ABI3BP: variants seen among roughly 807,000 people sequenced by gnomAD.
ABI3BP encodes target of Nesh-SH3.
In ABI3BP, 216 loss-of-function variants were observed where a neutral mutation model predicts 268.6. The ratio of observed to expected loss-of-function variants is 0.80; its 90% CI spans 0.72 to 0.90. ABI3BP has a LOEUF of 0.90. Ranked by LOEUF, ABI3BP falls within the 40% of genes least tolerant of loss-of-function variation. The pLI is 0.00. For missense variants in ABI3BP, 2,090 were observed against 2,182.4 expected (o/e 0.96, Z 0.84); for synonymous variants, 730 against 730.0 (o/e 1.00, Z 0.00).
chr3:100,827,421 C>T (rs992380864), intron 34 of ABI3BP, among the ~76,000 whole-genome samples: 7 of 152,074 alleles, frequency 4.6e-5, no homozygotes, highest in African/African-American at 1.7e-4. Context: ...ACCAAAGACC[C>T]TACACTTATC....
intron 63 of ABI3BP, among the ~76,000 whole-genome samples, chr3:100,762,773 A>T (rs1208878121): frequency 1.3e-5 from 2 of 152,224 alleles, no homozygotes; most frequent in Non-Finnish European, 2.9e-5. Flanking sequence ...ATCGGAGGCT[A>T]GGATCTATTG....
chr3:100,858,883 C>T (rs2098966798), intron 14 of ABI3BP, among the ~76,000 whole-genome samples: 1 of 152,228 alleles, frequency 6.6e-6, no homozygotes, highest in African/African-American at 2.4e-5. Flanking sequence ...TCCCCACCTT[C>T]TGGCTGATAC....
chr3:100,783,378 AT>A (rs1336555450), intron 57 of ABI3BP, among the ~76,000 whole-genome samples: 2 of 152,198 alleles, frequency 1.3e-5, no homozygotes, highest in African/African-American at 4.8e-5. Context: ...GGGTTCAGGT[AT>A]TTAACAATAT....
intron 59 of ABI3BP, among the ~76,000 whole-genome samples, chr3:100,777,473 G>C (rs1435843394): frequency 6.6e-6 from 1 of 151,976 alleles, no homozygotes; most frequent in Non-Finnish European, 1.5e-5. Context: ...TTGGTTCTGG[G>C]AATTCAGAGA....
chr3:100,940,958 T>A (rs2068896309), intron 1 of ABI3BP, among the ~76,000 whole-genome samples: 1 of 147,388 alleles, frequency 6.8e-6, no homozygotes, highest in Admixed American at 6.8e-5. Flanking sequence ...TAAACACAAA[T>A]CAGAAAATAC....
Position 100,824,848 on chromosome 3 carries a change from A to G in ABI3BP, c.2746+10T>C. 2.0e-6 allele frequency: 3 copies of G among 1,533,460 alleles called. No homozygotes were observed. The highest frequency in any genetic ancestry group is 3.9e-5 in the Admixed American group (2 of 50,936). 95.0% of individuals were successfully genotyped at this position (1,533,460 alleles called of 1,614,324 possible). ...GGGATCACCCTTAAACCAAGGAATC[A>G]CAGATTTACCAGGTTTGGTCTCAGG... On this transcript the variant is annotated intron_variant, in intron 36 of 67. Coordinates refer to ENST00000471714, the MANE Select transcript of ABI3BP (RefSeq NM_001375547.2).
chr3:100,912,565 T>C (rs905439361), intron 2 of ABI3BP, among the ~76,000 whole-genome samples: 2 of 152,116 alleles, frequency 1.3e-5, no homozygotes, highest in African/African-American at 4.8e-5. Context: ...AAAACTATAT[T>C]CATGGAAATC....
chr3:100,818,498 T>C (rs2098120453), intron 41 of ABI3BP, 27 bp downstream of exon 41: 1 of 1,520,476 alleles, frequency 6.6e-7, no homozygotes. Flanking sequence ...GGAAAAGCAC[T>C]ATTTGAAGGA....
Position 100,898,879 on chromosome 3 carries a change from C to G in ABI3BP, c.344G>C (p.Arg115Pro), listed in dbSNP as rs377514499. 9 of 1,609,576 alleles carry G rather than the reference C, an allele frequency of 5.6e-6. No individual in the cohort carries two copies. The highest frequency in any genetic ancestry group is 7.6e-6 in the Non-Finnish European group (9 of 1,178,236). The change falls in exon 4 of 68, where the codon CGC becomes CCC. Residue 115 changes from arginine (R) to proline (P), a missense_variant. By Grantham distance (103) the Arg-to-Pro change is moderately radical. Coordinates refer to ENST00000471714, the MANE Select transcript of ABI3BP (RefSeq NM_001375547.2). ...KKSCSGKTRS[R>P]KPLQLVVGTL... is the part of the protein sequence containing the mutation. The stretch of plus-strand genomic sequence containing the variant: ...GCCAACCACCAGCTGCAGAGGTTTG[C>G]GAGAACGAGTTTTACCTGTGGAGGT...
chr3:100,925,182 G>A (rs890989161), intron 2 of ABI3BP, among the ~76,000 whole-genome samples: 5 of 152,178 alleles, frequency 3.3e-5, no homozygotes, highest in Middle Eastern at 3.4e-3. Context: ...CAACAGAGAC[G>A]TCTGTATGAG....
At chr3:100,792,470 T>C (rs1269171986) in intron 55 of ABI3BP, among the ~76,000 whole-genome samples, 2 of 151,730 alleles carry the variant, frequency 1.3e-5, no homozygotes, top group African/African-American at 4.8e-5. Context: ...TAGTCAACAA[T>C]ACATTAAAAA....
At chr3:100,875,625 G>A (rs764489939) in intron 7 of ABI3BP, 46 bp from the exon 8 acceptor site, 4 of 1,336,252 alleles carry the variant, frequency 3.0e-6, no homozygotes, top group Middle Eastern at 1.8e-4. Flanking sequence ...GAAATAGGAG[G>A]CAGTAAGAAG....
Position 100,749,405 on chromosome 3 carries a change from A to AAGAT in ABI3BP, c.*1086_*1089dup, listed in dbSNP as rs145209312. 1.2e-3 allele frequency: 453 copies of AAGAT among 376,562 alleles called. 2 individuals are homozygous for AAGAT. The highest frequency in any genetic ancestry group is 0.011 in the East Asian group (282 of 26,342). 23.3% of individuals were successfully genotyped at this position (376,562 alleles called of 1,614,324 possible). ...GAAAAATACAAAATGTAGCGTTGAT[A>AAGAT]AGATTGAAGCATGTTGAAAGGTAAG... On this transcript the variant is annotated 3_prime_UTR_variant, in exon 68 of 68. Transcript: ENST00000471714.
At chr3:100,839,409 C>G (rs920785396) in intron 24 of ABI3BP, among the ~76,000 whole-genome samples, 160 bp downstream of exon 24, 1 of 152,146 alleles carries the variant, frequency 6.6e-6, no homozygotes, top group Non-Finnish European at 1.5e-5. Flanking sequence ...TTAGAACTCT[C>G]CTATCTTTAG....
At chr3:100,832,873 A>G (rs754738251) in intron 30 of ABI3BP, among the ~76,000 whole-genome samples, 2 of 152,178 alleles carry the variant, frequency 1.3e-5, no homozygotes, top group Admixed American at 6.6e-5. Flanking sequence ...GGGGAATTGT[A>G]GTTGGATCTT....
chr3:100,850,782 G>A (rs776279641), intron 15 of ABI3BP, 48 bp from the exon 16 acceptor site: 13 of 1,394,350 alleles, frequency 9.3e-6, no homozygotes, highest in Non-Finnish European at 1.2e-5. Flanking sequence ...AAGGCCCCAG[G>A]AATAAAATAC....
At chr3:100,983,847 C>T (rs1283926126) in intron 1 of ABI3BP, among the ~76,000 whole-genome samples, 1 of 152,134 alleles carries the variant, frequency 6.6e-6, no homozygotes, top group African/African-American at 2.4e-5. Context: ...AACACTAAAA[C>T]CAAATGCTCA....
intron 1 of ABI3BP, among the ~76,000 whole-genome samples, chr3:100,930,443 C>T (rs546871530): frequency 6.6e-6 from 1 of 151,960 alleles, no homozygotes; most frequent in East Asian, 1.9e-4. Flanking sequence ...CACCTTAGTG[C>T]ATCTGTTAAT....
At chr3:100,894,955 A>AAAAAAAAAAAAAAACAAC (rs2046792687) in intron 4 of ABI3BP, among the ~76,000 whole-genome samples, 1 of 143,606 alleles carries the variant, frequency 7.0e-6, no homozygotes, top group Non-Finnish European at 1.5e-5. Flanking sequence ...AAAAAAAAAA[A>AAAAAAAAAAAAAAACAAC]AAAAAAAAAA....
Sources: allele counts gnomAD v4.1 joint callset (sites outside exome capture counted in the v4.1 genomes callset), GRCh38; gene constraint gnomAD v4.1.1; transcripts MANE v1.5; gene names NCBI Gene and HGNC (gene_info 2026-07-23, HGNC 2026-07-21).